SCARA5: variants seen among roughly 807,000 people sequenced by gnomAD.
SCARA5 encodes the protein scavenger receptor class A member 5, also known as scavenger receptor class A, member 5 (putative).
SCARA5 carries 45 observed loss-of-function variants against 46.3 expected under a neutral mutation model. The ratio of observed to expected loss-of-function variants is 0.97; its 90% confidence interval spans 0.76 to 1.24. The LOEUF (loss-of-function observed/expected upper bound fraction) is 1.24. SCARA5 is among the 50% of genes most tolerant of loss of function. The pLI is 0.00. For missense variants in SCARA5, 680 were observed against 689.0 expected, an observed-to-expected ratio of 0.99 and a Z score of 0.15; for synonymous variants, 333 against 306.5, an observed-to-expected ratio of 1.09 and a Z score of -0.90.
chr8:27,920,823 GACA>G (rs1199424885), intron 4 of SCARA5, among the ~76,000 whole-genome samples: 1 of 150,390 alleles, frequency 6.6e-6, no homozygotes, highest in Non-Finnish European at 1.5e-5. Context: ...AAAACAAAAC[GACA>G]ACAACAAAAA....
chr8:27,979,705 C>T (rs28590573), intron 2 of SCARA5, among the ~76,000 whole-genome samples: 2,953 of 152,150 alleles, frequency 0.019, 51 homozygotes, highest in African/African-American at 0.051. Flanking sequence ...AGGCACACAC[C>T]GCCACGCCAC....
intron 2 of SCARA5, among the ~76,000 whole-genome samples, chr8:27,967,932 AAGGAG>A (rs113276312): frequency 6.6e-6 from 1 of 152,138 alleles, no homozygotes; most frequent in East Asian, 1.9e-4. Flanking sequence ...GGAAAAAGGA[AAGGAG>A]AGGAGAGGAG....
At chr8:27,925,788 G>T (rs1452475122) in intron 3 of SCARA5, among the ~76,000 whole-genome samples, 1 of 152,154 alleles carries the variant, frequency 6.6e-6, no homozygotes, top group East Asian at 1.9e-4. Flanking sequence ...AGTGGGCAAA[G>T]GATATGAACA....
intron 7 of SCARA5, among the ~76,000 whole-genome samples, chr8:27,883,157 A>G (rs1806837849): frequency 1.3e-5 from 2 of 152,234 alleles, no homozygotes; most frequent in South Asian, 4.1e-4. Flanking sequence ...GAAATGAAAA[A>G]TCAATGTTTG....
intron 2 of SCARA5, among the ~76,000 whole-genome samples, chr8:27,967,273 C>A (rs1188319411): frequency 1.3e-5 from 2 of 152,204 alleles, no homozygotes; most frequent in African/African-American, 2.4e-5. Flanking sequence ...GCTGTAGTGG[C>A]CTTTTGGGCC....
intron 3 of SCARA5, among the ~76,000 whole-genome samples, chr8:27,935,710 T>C (rs1807844345): frequency 6.6e-6 from 1 of 152,146 alleles, no homozygotes; most frequent in African/African-American, 2.4e-5. Context: ...GGGCCAACAA[T>C]GACACGTCTG....
At chr8:27,875,767 C>T (rs1806714140) in intron 8 of SCARA5, among the ~76,000 whole-genome samples, 1 of 152,056 alleles carries the variant, frequency 6.6e-6, no homozygotes, top group South Asian at 2.1e-4. Context: ...ACCAGGCACT[C>T]GTTTTAGAAA....
intron 7 of SCARA5, among the ~76,000 whole-genome samples, chr8:27,894,686 G>T (rs947863273): frequency 3.3e-5 from 5 of 152,208 alleles, no homozygotes; most frequent in African/African-American, 9.6e-5. Context: ...CTCTGGGAAG[G>T]CTTCCCTGAT....
Position 27,989,129 on chromosome 8 carries a change from C to CTTTTT in SCARA5, c.-15-1504_-15-1500dup, listed in dbSNP as rs34929623. Among the ~76,000 whole-genome samples the CTTTTT allele has an allele frequency of 7.8e-3, 533 of 68,346 alleles. 2 individuals are homozygous for CTTTTT. The highest frequency in any genetic ancestry group is 0.011 in the East Asian group (26 of 2,268). 44.8% of individuals were successfully genotyped at this position (68,346 alleles called of 152,430 possible). Reference sequence around the variant, plus strand: ...TTTTTTTTTTTCTGTTTCTTTCTTTCTTTTTTTTTTTTTTTTTTTTTTTTG... The same window carrying CTTTTT: ...TTTTTTTTTTTCTGTTTCTTTCTTTCTTTTTTTTTTTTTTTTTTTTTTTTTTTTTG... On this transcript the variant is annotated intron_variant, in intron 1 of 8. Coordinates refer to ENST00000354914, the MANE Select transcript of SCARA5 (RefSeq NM_173833.6).
chr8:27,909,569 C>T (rs909075829), intron 5 of SCARA5, 94 bp downstream of exon 5: 11 of 879,784 alleles, frequency 1.3e-5, no homozygotes, highest in Non-Finnish European at 2.0e-5. Context: ...GGGCACTCCC[C>T]TGGGGAGCCC....
intron 7 of SCARA5, among the ~76,000 whole-genome samples, chr8:27,880,729 C>T (rs1287147985): frequency 1.3e-5 from 2 of 151,962 alleles, no homozygotes; most frequent in Non-Finnish European, 1.5e-5. Context: ...GTAGCCCATG[C>T]CTGTGGTGCT....
Position 27,896,042 on chromosome 8 carries a change from T to TCCTGGGTGG in SCARA5, c.1153+8727_1153+8735dup, listed in dbSNP as rs1258798481. Among the ~76,000 whole-genome samples, 7 of 152,352 alleles carry TCCTGGGTGG rather than the reference T, an allele frequency of 4.6e-5. No individual in the cohort carries two copies. The East Asian group carries it at 9.6e-4, about 21-fold the overall frequency. ...GCTTAGAGCTGGATTTGTAGGAATT[T>TCCTGGGTGG]CCTGGGTGGCCTGGGTGGACAAGTG... On this transcript the variant is annotated intron_variant, in intron 7 of 8. Transcript: ENST00000354914.
rs1806637147 is a variant in SCARA5 at position 27,871,589 on chromosome 8, A to C, written c.*345T>G. 1 of 1,137,330 alleles carries C rather than the reference A, an allele frequency of 8.8e-7. No individual in the cohort carries two copies. The highest frequency in any genetic ancestry group is 4.1e-5 in the Admixed American group (1 of 24,200). 70.5% of individuals were successfully genotyped at this position (1,137,330 alleles called of 1,614,324 possible). ...CTGCACTTGTCTCTGACACATTCTC[A>C]GCATTCACCTGTAACTAAAAGGCCA... On this transcript the variant is annotated 3_prime_UTR_variant, in exon 9 of 9. Transcript: ENST00000354914.
chr8:27,951,941 C>A, intron 3 of SCARA5, among the ~76,000 whole-genome samples: 1 of 152,132 alleles, frequency 6.6e-6, no homozygotes, highest in Admixed American at 6.5e-5. Context: ...TTGCTTAGAG[C>A]AGGTCACTTT....
chr8:27,891,183 G>T (rs1806974512), intron 7 of SCARA5, among the ~76,000 whole-genome samples: 1 of 149,638 alleles, frequency 6.7e-6, no homozygotes, highest in Admixed American at 6.8e-5. Context: ...GATGTGAACA[G>T]AACTACAATA....
At chr8:27,965,890 T>C (rs150199920) in intron 3 of SCARA5, among the ~76,000 whole-genome samples, 49 of 152,334 alleles carry the variant, frequency 3.2e-4, no homozygotes, top group Non-Finnish European at 5.3e-4. Flanking sequence ...TCCTTCTCCA[T>C]GGCTGGAGAA....
intron 7 of SCARA5, among the ~76,000 whole-genome samples, chr8:27,895,541 C>T (rs1252792423): frequency 1.3e-5 from 2 of 152,210 alleles, no homozygotes; most frequent in African/African-American, 2.4e-5. Flanking sequence ...ATTAGCAGTT[C>T]TCATGGGGTC....
chr8:27,958,738 G>A (rs1808243839), intron 3 of SCARA5, among the ~76,000 whole-genome samples: 1 of 152,222 alleles, frequency 6.6e-6, no homozygotes, highest in Non-Finnish European at 1.5e-5. Flanking sequence ...TCGCTGACAA[G>A]ATCTGCATTT....
chr8:27,893,076 G>T (rs1807012348), intron 7 of SCARA5, among the ~76,000 whole-genome samples: 2 of 152,144 alleles, frequency 1.3e-5, no homozygotes. Context: ...GCTTGGGATG[G>T]CTTGGACACC....
Sources: gnomAD v4.1 joint callset for allele counts (sites outside exome capture counted in the v4.1 genomes callset) on GRCh38, gnomAD v4.1.1 for gene constraint, MANE v1.5 for transcripts, NCBI Gene and HGNC (gene_info 2026-07-23, HGNC 2026-07-21) for gene names.